The following GRM7 variants were observed in gnomAD, a reference collection of about 807,000 sequenced individuals.
The protein encoded by GRM7 is metabotropic glutamate receptor 7.
In GRM7, 35 loss-of-function variants were observed where a neutral mutation model predicts 84.5. The observed-to-expected ratio is 0.41, with a 90% confidence interval of 0.32 to 0.55. GRM7 has a LOEUF of 0.55. Ranked by LOEUF, GRM7 falls within the 20% of genes least tolerant of loss-of-function variation. The probability of loss-of-function intolerance (pLI) is 0.19; values close to 1 mark genes in which losing one functional copy is unlikely to be tolerated. For missense variants in GRM7, 1,003 were observed against 1,194.6 expected (o/e 0.84, Z 2.36); for synonymous variants, 487 against 455.1 (o/e 1.07, Z -0.89).
intron 1 of GRM7, among the ~76,000 whole-genome samples, chr3:6,947,489 G>A (rs912893606): frequency 4.6e-5 from 7 of 152,032 alleles, no homozygotes; most frequent in Non-Finnish European, 8.8e-5. Flanking sequence ...ATCAATGTTC[G>A]TCAAGGATAT....
intron 1 of GRM7, among the ~76,000 whole-genome samples, chr3:6,937,295 A>G (rs2125052025): frequency 6.6e-6 from 1 of 152,338 alleles, no homozygotes; most frequent in East Asian, 1.9e-4. Flanking sequence ...GGAAAGGATG[A>G]AATGATTTCG....
Position 7,082,975 on chromosome 3 carries a change from C to T in GRM7, c.520-63477C>T, listed in dbSNP as rs115200331. Among the ~76,000 whole-genome samples, 1,335 of 152,252 alleles carry T rather than the reference C, an allele frequency of 8.8e-3. 19 individuals carry two copies. Among genetic ancestry groups the T allele is most frequent in the African/African-American group, 0.03 (1,260 of 41,548 alleles). Reference sequence around the variant, plus strand: ...AAGTGACTTCTTGAGATGGAATCTACTCCTGGTAAAGATGCTACGAACATT... The same window carrying T: ...AAGTGACTTCTTGAGATGGAATCTATTCCTGGTAAAGATGCTACGAACATT... On this transcript the variant is annotated intron_variant, in intron 1 of 9. Transcript: ENST00000357716.
At chr3:7,203,248 T>C (rs1696125754) in intron 2 of GRM7, among the ~76,000 whole-genome samples, 1 of 152,212 alleles carries the variant, frequency 6.6e-6, no homozygotes, top group South Asian at 2.1e-4. Context: ...GTATCTATCA[T>C]TCTATTCTCT....
intron 1 of GRM7, among the ~76,000 whole-genome samples, chr3:6,952,428 G>A (rs1021902173): frequency 6.6e-6 from 1 of 152,096 alleles, no homozygotes; most frequent in Non-Finnish European, 1.5e-5. Flanking sequence ...TGGATCTCTG[G>A]AGGTCTCTTT....
chr3:7,489,339 T>C (rs1280174904), intron 7 of GRM7, among the ~76,000 whole-genome samples: 1 of 152,212 alleles, frequency 6.6e-6, no homozygotes, highest in Non-Finnish European at 1.5e-5. Flanking sequence ...GAAACCAGTT[T>C]ACATCATCTA....
At position 7,016,682 on chromosome 3, in the gene GRM7, T is replaced by C. The variant is rs183839675; in HGVS notation, c.520-129770T>C. 1.8e-3 allele frequency among the ~76,000 whole-genome samples: 270 copies of C among 152,328 alleles called. 2 individuals are homozygous for C. The highest frequency in any genetic ancestry group is 3.1e-3 in the Non-Finnish European group (211 of 68,034). On this transcript the variant is annotated intron_variant, in intron 1 of 9. Transcript: ENST00000357716. ...AGTAGAGGATTAAACTTGTGCATAATGGTAGTAATAATAAAATAAAACCAC... is the reference window on the plus strand; with the variant it reads ...AGTAGAGGATTAAACTTGTGCATAACGGTAGTAATAATAAAATAAAACCAC...
intron 1 of GRM7, among the ~76,000 whole-genome samples, chr3:7,121,836 T>C (rs1431188054): frequency 6.6e-6 from 1 of 152,138 alleles, no homozygotes; most frequent in Non-Finnish European, 1.5e-5. Flanking sequence ...ACGCAACATA[T>C]TGCAAGGTGG....
At chr3:7,132,509 T>C (rs930659771) in intron 1 of GRM7, among the ~76,000 whole-genome samples, 1 of 152,202 alleles carries the variant, frequency 6.6e-6, no homozygotes, top group Admixed American at 6.5e-5. Context: ...TTATTTACCA[T>C]GCAGAAATCG....
chr3:7,600,015 T>C (rs981804455), intron 8 of GRM7, among the ~76,000 whole-genome samples: 1 of 152,124 alleles, frequency 6.6e-6, no homozygotes, highest in Non-Finnish European at 1.5e-5. Flanking sequence ...GCAAAATATC[T>C]GAGAGACTGA....
chr3:6,862,023 C>G lies in GRM7; in HGVS notation c.519+116C>G, dbSNP rs1694771886. On this transcript the variant is annotated intron_variant, in intron 1 of 9. Coordinates refer to ENST00000357716, the MANE Select transcript of GRM7 (RefSeq NM_000844.4). This position sits in a 1 kb window ranked among gnomAD's most constrained non-coding sequence, Gnocchi z 5.2. ...AGGTCAGCCTTCGCTCATTTCCTCC[C>G]TGGAGATCCTGCCGAATCCCTCCCA... The G allele has an allele frequency of 2.5e-6, 2 of 809,734 alleles. No individual in the cohort carries two copies. Among genetic ancestry groups the G allele is most frequent in the East Asian group, 2.7e-5 (1 of 37,448 alleles). 50.2% of individuals were successfully genotyped at this position (809,734 alleles called of 1,614,324 possible). A position where few individuals can be genotyped will look rare whatever the true frequency, so the allele number is the denominator to read the frequency against.
chr3:7,075,319 T>G (rs1698026129), intron 1 of GRM7, among the ~76,000 whole-genome samples: 1 of 152,198 alleles, frequency 6.6e-6, no homozygotes, highest in Non-Finnish European at 1.5e-5. Context: ...TGCCTGAAGC[T>G]TGCAGCTGTG....
intron 7 of GRM7, among the ~76,000 whole-genome samples, chr3:7,493,182 C>G (rs1251450158): frequency 6.6e-6 from 1 of 151,936 alleles, no homozygotes; most frequent in Non-Finnish European, 1.5e-5. Flanking sequence ...TCAATTACAT[C>G]TTTTTGGTTG....
intron 2 of GRM7, among the ~76,000 whole-genome samples, chr3:7,238,759 C>T (rs112283568): frequency 1.5e-4 from 20 of 132,186 alleles, no homozygotes; most frequent in Admixed American, 5.0e-4. Flanking sequence ...TTTTCTTTTC[C>T]TTTCCTTTCC....
At position 7,691,294 on chromosome 3, in the gene GRM7, G is replaced by A. The variant is rs986506603; in HGVS notation, c.2698+10999G>A. ...TCTTCTTGAGCTGACCCAACACTTA[G>A]GAAAACATGACATGGATCAGCAACT... On this transcript the variant is annotated intron_variant, in intron 9 of 9. Coordinates refer to ENST00000357716, the MANE Select transcript of GRM7 (RefSeq NM_000844.4). 9.4e-6 allele frequency: 12 copies of A among 1,274,230 alleles called. No homozygotes were observed. The African/African-American group carries it at 1.8e-4, about 20-fold the overall frequency. 78.9% of individuals were successfully genotyped at this position (1,274,230 alleles called of 1,614,324 possible). A position where few individuals can be genotyped will look rare whatever the true frequency, so the allele number is the denominator to read the frequency against.
intron 7 of GRM7, among the ~76,000 whole-genome samples, chr3:7,509,881 A>C (rs1001727340): frequency 2.0e-5 from 3 of 152,174 alleles, no homozygotes; most frequent in African/African-American, 7.2e-5. Flanking sequence ...ATCACCAGTG[A>C]AGGCTTGAAA....
At chr3:7,170,379 C>G (rs191269285) in intron 2 of GRM7, among the ~76,000 whole-genome samples, 94 of 152,276 alleles carry the variant, frequency 6.2e-4, no homozygotes, top group African/African-American at 2.2e-3. Flanking sequence ...GTACTTAGCA[C>G]AGTTTCAGAG....
intron 1 of GRM7, among the ~76,000 whole-genome samples, chr3:6,942,940 T>C (rs1245637054): frequency 6.6e-6 from 1 of 152,118 alleles, no homozygotes; most frequent in Non-Finnish European, 1.5e-5. Context: ...TGATATCTCA[T>C]TGTGATTTTG....
intron 4 of GRM7, among the ~76,000 whole-genome samples, chr3:7,388,213 C>T (rs1308093350): frequency 1.3e-5 from 2 of 152,092 alleles, no homozygotes; most frequent in East Asian, 1.9e-4. Flanking sequence ...GTTTTCTAGG[C>T]ATAGAATCAT....
intron 1 of GRM7, among the ~76,000 whole-genome samples, chr3:7,021,013 C>T (rs1310198665): frequency 1.3e-5 from 2 of 152,128 alleles, no homozygotes; most frequent in South Asian, 2.1e-4. Context: ...ATATAATACA[C>T]ACAAAGAAGT....
Sources: allele counts gnomAD v4.1 joint callset (sites outside exome capture counted in the v4.1 genomes callset), GRCh38; gene constraint gnomAD v4.1.1; non-coding constraint Gnocchi (gnomAD v3.1); transcripts MANE v1.5; gene names NCBI Gene and HGNC (gene_info 2026-07-23, HGNC 2026-07-21).